XYLT1: variants seen among roughly 807,000 people sequenced by gnomAD.
The protein encoded by XYLT1 is beta-D-xylosyltransferase 1.
XYLT1 carries 36 observed loss-of-function variants against 91.3 expected under a neutral mutation model. That is an observed-to-expected ratio of 0.39 (90% CI 0.30 to 0.52). The LOEUF is 0.52. Ranked by LOEUF, XYLT1 falls within the 20% of genes least tolerant of loss-of-function variation. The pLI is 0.68. For missense variants in XYLT1, 1,242 were observed against 1,284.5 expected (o/e 0.97, Z 0.51); for synonymous variants, 588 against 532.0 (o/e 1.11, Z -1.45).
At chr16:17,218,313 G>A (rs1199825590) in intron 3 of XYLT1, among the ~76,000 whole-genome samples, 1 of 150,476 alleles carries the variant, frequency 6.6e-6, no homozygotes, top group African/African-American at 2.4e-5. Flanking sequence ...ACAAAACAAA[G>A]CGAAAAAGCA....
intron 7 of XYLT1, among the ~76,000 whole-genome samples, chr16:17,140,530 G>A (rs771253604): frequency 3.9e-4 from 60 of 151,936 alleles, no homozygotes; most frequent in South Asian, 1.7e-3. Context: ...GTGTGGTGGT[G>A]GGCGCCTATA....
chr16:17,306,703 C>T (rs2034476852), intron 2 of XYLT1, among the ~76,000 whole-genome samples: 1 of 152,032 alleles, frequency 6.6e-6, no homozygotes, highest in African/African-American at 2.4e-5. Flanking sequence ...CATGAAAAGT[C>T]ACAACTTTAA....
intron 1 of XYLT1, among the ~76,000 whole-genome samples, chr16:17,436,114 C>T (rs2036456077): frequency 3.9e-5 from 6 of 152,214 alleles, no homozygotes; most frequent in Admixed American, 3.9e-4. Flanking sequence ...TGCTCTCTTA[C>T]CTGCCATCAA....
chr16:17,225,818 T>C lies in XYLT1; in HGVS notation c.914-25164A>G, dbSNP rs8056987. Reference sequence around the variant, plus strand: ...AATGTAGAATCGCAGCTAAGTTGCATTCTACGACCAAAGTTCAAATTTCTT... The same window carrying C: ...AATGTAGAATCGCAGCTAAGTTGCACTCTACGACCAAAGTTCAAATTTCTT... On this transcript the variant is annotated intron_variant, in intron 3 of 11. Coordinates refer to ENST00000261381, the MANE Select transcript of XYLT1 (RefSeq NM_022166.4). Among the ~76,000 whole-genome samples, 1,297 of 152,292 alleles carry C rather than the reference T, an allele frequency of 8.5e-3. 21 individuals are homozygous for C. The highest frequency in any genetic ancestry group is 0.029 in the African/African-American group (1,220 of 41,548).
intron 5 of XYLT1, among the ~76,000 whole-genome samples, chr16:17,161,563 C>T (rs2031553349): frequency 6.6e-6 from 1 of 152,144 alleles, no homozygotes; most frequent in African/African-American, 2.4e-5. Flanking sequence ...ACCAAATTCT[C>T]CTATTGTTGC....
At chr16:17,344,710 CTT>C (rs879806292) in intron 2 of XYLT1, among the ~76,000 whole-genome samples, 7 of 143,394 alleles carry the variant, frequency 4.9e-5, no homozygotes, top group Non-Finnish European at 6.2e-5. Flanking sequence ...TCTAAGGATT[CTT>C]TTTTTTTTTT....
At chr16:17,425,870 C>T (rs554847867) in intron 1 of XYLT1, among the ~76,000 whole-genome samples, 1 of 152,276 alleles carries the variant, frequency 6.6e-6, no homozygotes, top group Admixed American at 6.5e-5. Context: ...CAAGAAGCCA[C>T]CTGTAACTTC....
At chr16:17,256,821 C>T (rs1291089263) in intron 3 of XYLT1, among the ~76,000 whole-genome samples, 1 of 152,206 alleles carries the variant, frequency 6.6e-6, no homozygotes, top group East Asian at 1.9e-4. Flanking sequence ...TTGCATGGCT[C>T]CCGGATGCAC....
intron 3 of XYLT1, among the ~76,000 whole-genome samples, chr16:17,253,683 C>A (rs1451552224): frequency 6.6e-6 from 1 of 152,146 alleles, no homozygotes; most frequent in Non-Finnish European, 1.5e-5. Flanking sequence ...GCAACTTGCC[C>A]AAAGTCCTAC....
intron 11 of XYLT1, among the ~76,000 whole-genome samples, chr16:17,117,154 T>C (rs1966853952): frequency 6.6e-6 from 1 of 152,256 alleles, no homozygotes; most frequent in Non-Finnish European, 1.5e-5. Context: ...GGTAGTGGGC[T>C]GGATTGGCCA....
At position 17,432,068 on chromosome 16, in the gene XYLT1, G is replaced by A. The variant is rs62030326; in HGVS notation, c.363+38366C>T. ...ATTTAATAAACCTCTTCACCATCCA[G>A]TTTATAAGAAGATAAAAAAAAAATG... On this transcript the variant is annotated intron_variant, in intron 1 of 11. Coordinates refer to ENST00000261381, the MANE Select transcript of XYLT1 (RefSeq NM_022166.4). Among the ~76,000 whole-genome samples the A allele has an allele frequency of 7.8e-3, 1,183 of 152,162 alleles. 7 individuals carry two copies. Among genetic ancestry groups the A allele is most frequent in the Non-Finnish European group, 0.011 (775 of 68,018 alleles).
At chr16:17,438,550 G>A (rs1015677315) in intron 1 of XYLT1, among the ~76,000 whole-genome samples, 2 of 152,092 alleles carry the variant, frequency 1.3e-5, no homozygotes, top group African/African-American at 2.4e-5. Context: ...GACTACCAGC[G>A]TTCACATCTG....
chr16:17,302,730 C>A (rs974933565), intron 2 of XYLT1, among the ~76,000 whole-genome samples: 3 of 152,096 alleles, frequency 2.0e-5, no homozygotes, highest in African/African-American at 7.2e-5. Flanking sequence ...TGCCATAAAC[C>A]CTTCCTGAAA....
At chr16:17,380,979 T>C (rs12447543) in intron 1 of XYLT1, among the ~76,000 whole-genome samples, 14,100 of 152,262 alleles carry the variant, frequency 0.093, 869 homozygotes, top group African/African-American at 0.18. Context: ...GAAAGAAGAA[T>C]GGCAGTTTCC....
intron 2 of XYLT1, among the ~76,000 whole-genome samples, chr16:17,289,738 A>G (rs1458881574): frequency 6.6e-6 from 1 of 151,306 alleles, no homozygotes; most frequent in Non-Finnish European, 1.5e-5. Flanking sequence ...ACTGGCTCCA[A>G]AAAAAAGTTT....
intron 5 of XYLT1, among the ~76,000 whole-genome samples, chr16:17,186,920 C>A (rs754968756): frequency 3.4e-4 from 52 of 152,072 alleles, no homozygotes; most frequent in Middle Eastern, 3.4e-3. Flanking sequence ...GGGATGAACA[C>A]GGAGAGATGT....
intron 1 of XYLT1, among the ~76,000 whole-genome samples, chr16:17,454,702 A>AT (rs375563235): frequency 6.6e-6 from 1 of 151,582 alleles, no homozygotes; most frequent in African/African-American, 2.4e-5. Context: ...ACACCCAGCT[A>AT]TTTTTTTGTA....
intron 3 of XYLT1, among the ~76,000 whole-genome samples, chr16:17,224,045 T>C (rs2033019908): frequency 6.6e-6 from 1 of 152,242 alleles, no homozygotes; most frequent in Non-Finnish European, 1.5e-5. Flanking sequence ...GGACCAGACC[T>C]CGCTAGCTCT....
chr16:17,465,670 G>T (rs138927961), intron 1 of XYLT1, among the ~76,000 whole-genome samples: 1 of 151,558 alleles, frequency 6.6e-6, no homozygotes, highest in Non-Finnish European at 1.5e-5. Flanking sequence ...ACCACATTCC[G>T]TCCTGCTCAC....
Sources: allele counts gnomAD v4.1 joint callset (sites outside exome capture counted in the v4.1 genomes callset), GRCh38; gene constraint gnomAD v4.1.1; transcripts MANE v1.5; gene names NCBI Gene and HGNC (gene_info 2026-07-23, HGNC 2026-07-21).